Variants in PLEKHM3 observed in about 807,000 individuals in gnomAD.
The protein encoded by PLEKHM3 is pleckstrin homology domain-containing family M member 3.
PLEKHM3 carries 45 observed loss-of-function variants against 81.8 expected under a neutral mutation model. The ratio of observed to expected loss-of-function variants is 0.55; its 90% CI spans 0.43 to 0.71. PLEKHM3 has a LOEUF of 0.71. Among genes scored for constraint, PLEKHM3 ranks in the 30% least tolerant of loss-of-function variants. The pLI is 0.00. For synonymous variants in PLEKHM3, 352 were observed against 356.4 expected (o/e 0.99, Z 0.14); for missense variants, 788 against 924.3 (o/e 0.85, Z 1.91).
intron 2 of PLEKHM3, among the ~76,000 whole-genome samples, chr2:207,983,551 T>C (rs890966729): frequency 2.0e-5 from 3 of 151,264 alleles, no homozygotes; most frequent in Admixed American, 2.0e-4. Flanking sequence ...TACCCATGAA[T>C]TTCATACTGA....
Position 208,001,215 on chromosome 2 carries a change from G to A in PLEKHM3, c.425C>T (p.Thr142Ile), listed in dbSNP as rs778789283. Reference protein sequence around the residue: ...SVNDLLDETSTFKPGHARSRS... With the variant: ...SVNDLLDETSIFKPGHARSRS... Reference sequence around the variant, plus strand: ...TGATCGAGCATGCCCTGGCTTGAAAGTTGAGGTCTCATCCAGTAAGTCATT... The same window carrying A: ...TGATCGAGCATGCCCTGGCTTGAAAATTGAGGTCTCATCCAGTAAGTCATT... Residue 142 changes from threonine (T) to isoleucine (I), a missense_variant, in exon 2 of 8, where the codon ACT becomes ATT. Transcript: ENST00000427836. 8.7e-6 allele frequency: 14 copies of A among 1,614,054 alleles called. No individual in the cohort carries two copies. The highest frequency in any genetic ancestry group is 1.1e-5 in the Non-Finnish European group (13 of 1,180,032).
At chr2:207,948,629 C>T (rs553765128) in intron 3 of PLEKHM3, among the ~76,000 whole-genome samples, 4 of 151,740 alleles carry the variant, frequency 2.6e-5, no homozygotes, top group South Asian at 2.1e-4. Flanking sequence ...CTGCAACCTC[C>T]GCGTCCCGCG....
rs540648050 is a variant in PLEKHM3, at chr2:207,985,521, A to G, written c.611-7935T>C. Among the ~76,000 whole-genome samples, 5 of 152,186 alleles carry G rather than the reference A, an allele frequency of 3.3e-5. No individual in the cohort carries two copies. The South Asian group carries it at 1.0e-3, about 32-fold the overall frequency. On this transcript the variant is annotated intron_variant, in intron 2 of 7. Transcript: ENST00000427836. ...TCCACTTCTGCACCCTAGCACCCACAAAATTCTCCTGCCCAGACTGTATAC... is the reference window on the plus strand; with the variant it reads ...TCCACTTCTGCACCCTAGCACCCACGAAATTCTCCTGCCCAGACTGTATAC...
rs576479359 is a variant in PLEKHM3, at chr2:207,983,717, A to G, written c.611-6131T>C. Among the ~76,000 whole-genome samples, 37 of 152,230 alleles carry G rather than the reference A, an allele frequency of 2.4e-4. 1 individual carries two copies. The highest frequency in any genetic ancestry group is 2.1e-3 in the South Asian group (10 of 4,824). On this transcript the variant is annotated intron_variant, in intron 2 of 7. Coordinates refer to ENST00000427836, the MANE Select transcript of PLEKHM3 (RefSeq NM_001080475.3). The stretch of plus-strand genomic sequence containing the variant: ...TCCTCGTCTTTACAGTATCCAGTGC[A>G]GTGGTTTCAGGACAATAAATGCTAC...
chr2:207,894,944 G>A (rs923066030), intron 6 of PLEKHM3, among the ~76,000 whole-genome samples: 1 of 152,074 alleles, frequency 6.6e-6, no homozygotes, highest in Non-Finnish European at 1.5e-5. Flanking sequence ...ATTATATAGG[G>A]CTATTGTGTG....
chr2:207,977,741 C>T (rs1390196315), intron 2 of PLEKHM3, among the ~76,000 whole-genome samples, 155 bp from the exon 3 acceptor site: 4 of 152,184 alleles, frequency 2.6e-5, no homozygotes, highest in Non-Finnish European at 4.4e-5. Flanking sequence ...TAGAATCCCA[C>T]GATGGTACCT....
intron 3 of PLEKHM3, among the ~76,000 whole-genome samples, chr2:207,972,640 T>C (rs1040870879): frequency 6.7e-6 from 1 of 149,646 alleles, no homozygotes; most frequent in African/African-American, 2.5e-5. Context: ...CTAAGCTCAG[T>C]GCAACCCTGG....
At chr2:207,873,705 A>T (rs1276812256) in intron 6 of PLEKHM3, among the ~76,000 whole-genome samples, 1 of 152,242 alleles carries the variant, frequency 6.6e-6, no homozygotes. Context: ...ACCAGTTATC[A>T]GTTTTCCTGA....
At chr2:207,840,799 GTTTTTTTTTTTTT>G (rs1221570591) in intron 7 of PLEKHM3, among the ~76,000 whole-genome samples, 2 of 109,796 alleles carry the variant, frequency 1.8e-5, no homozygotes, top group East Asian at 2.6e-4. Flanking sequence ...CACTTTTTAT[GTTTTTTTTTTTTT>G]TTTTTTTTTT....
intron 7 of PLEKHM3, among the ~76,000 whole-genome samples, chr2:207,846,339 A>T (rs2092382594): frequency 6.6e-6 from 1 of 151,346 alleles, no homozygotes; most frequent in African/African-American, 2.4e-5. Context: ...ATGGGGTTTC[A>T]CCATATTGGC....
intron 7 of PLEKHM3, among the ~76,000 whole-genome samples, chr2:207,855,612 C>T (rs1270778815): frequency 2.0e-5 from 3 of 152,116 alleles, no homozygotes; most frequent in Non-Finnish European, 1.5e-5. Flanking sequence ...CTGACACAAA[C>T]ACTACAGTGA....
At chr2:207,900,291 A>G (rs892059526) in intron 6 of PLEKHM3, 2 of 152,210 alleles carry the variant, frequency 1.3e-5, no homozygotes, top group African/African-American at 4.8e-5. Context: ...TGGTTGTTCT[A>G]TGAGGGCTAA....
chr2:207,946,257 T>C (rs1418285880), intron 4 of PLEKHM3, 110 bp downstream of exon 4: 3 of 1,265,502 alleles, frequency 2.4e-6, no homozygotes, highest in Non-Finnish European at 3.3e-6. Flanking sequence ...TTTATGAGAC[T>C]ACCTAATCAT....
At chr2:207,911,700 T>TA (rs1688813404) in intron 5 of PLEKHM3, among the ~76,000 whole-genome samples, 1 of 152,124 alleles carries the variant, frequency 6.6e-6, no homozygotes, top group Admixed American at 6.5e-5. Flanking sequence ...ATCCCTTAAA[T>TA]AAAGTAAAAT....
At chr2:207,918,865 G>C (rs1399495986) in intron 5 of PLEKHM3, among the ~76,000 whole-genome samples, 1 of 152,194 alleles carries the variant, frequency 6.6e-6, no homozygotes, top group Non-Finnish European at 1.5e-5. Context: ...GGCAGCGCCA[G>C]TGCATGTGGC....
In PLEKHM3 at chr2:208,001,767, G is replaced by C; in HGVS notation, c.-128C>G. 3 of 1,457,864 alleles carry C rather than the reference G, an allele frequency of 2.1e-6. No individual in the cohort carries two copies. In the South Asian group the frequency reaches 4.2e-5, roughly 20 times the overall value. 90.3% of individuals were successfully genotyped at this position (1,457,864 alleles called of 1,614,324 possible). ...AACAACTGGAAGAAACCTTCATTGGGCTCCCTGGAGCAGGCCAAACCCAAA... is the reference window on the plus strand; with the variant it reads ...AACAACTGGAAGAAACCTTCATTGGCCTCCCTGGAGCAGGCCAAACCCAAA... On this transcript the variant is annotated 5_prime_UTR_variant, in exon 2 of 8. Coordinates refer to ENST00000427836, the MANE Select transcript of PLEKHM3 (RefSeq NM_001080475.3).
intron 6 of PLEKHM3, among the ~76,000 whole-genome samples, chr2:207,901,822 T>C (rs932197258): frequency 6.6e-6 from 1 of 152,166 alleles, no homozygotes; most frequent in African/African-American, 2.4e-5. Context: ...GTGGCTAAAA[T>C]AGTTAACAGA....
chr2:207,986,757 A>C (rs576515936), intron 2 of PLEKHM3, among the ~76,000 whole-genome samples: 22 of 151,288 alleles, frequency 1.5e-4, no homozygotes, highest in Non-Finnish European at 2.5e-4. Context: ...GGCAGCATCA[A>C]CCTCCCAGGC....
chr2:207,931,083 A>G lies in PLEKHM3; in HGVS notation c.1729T>C (p.Tyr577His). The G allele has an allele frequency of 1.2e-6, 2 of 1,613,858 alleles. No homozygotes were observed. Among genetic ancestry groups the G allele is most frequent in the South Asian group, 1.1e-5 (1 of 91,054 alleles). ...KQAKEFLEYVYEEPLIDIQQE... is the reference protein window; with the variant it reads ...KQAKEFLEYVHEEPLIDIQQE... ...TGGATGTCGATGAGCGGCTCTTCGT[A>G]CACGTACTCCAGAAACTCCTTGGCC... Residue 577 changes from tyrosine to histidine, a missense_variant, in exon 5 of 8, where the codon TAC becomes CAC. Physicochemically the swap from Tyr to His is moderately conservative, Grantham distance 83. Coordinates refer to ENST00000427836, the MANE Select transcript of PLEKHM3 (RefSeq NM_001080475.3).
Sources: allele counts gnomAD v4.1 joint callset (sites outside exome capture counted in the v4.1 genomes callset), GRCh38; gene constraint gnomAD v4.1.1; transcripts MANE v1.5; gene names NCBI Gene and HGNC (gene_info 2026-07-23, HGNC 2026-07-21).